GAS7: variants seen among roughly 807,000 people sequenced by gnomAD.
GAS7 encodes growth arrest-specific protein 7.
GAS7 carries 28 observed loss-of-function variants against 71.1 expected under a neutral mutation model. The observed-to-expected ratio is 0.39, with a 90% confidence interval of 0.29 to 0.54. GAS7 has a LOEUF of 0.54. Ranked by LOEUF, GAS7 falls within the 20% of genes least tolerant of loss-of-function variation. The pLI, the probability that GAS7 is intolerant of heterozygous loss-of-function variation, is 0.62. For synonymous variants in GAS7, 258 were observed against 245.8 expected, an observed-to-expected ratio of 1.05 and a Z score of -0.46; for missense variants, 436 against 627.8, an observed-to-expected ratio of 0.69 and a Z score of 3.27.
chr17:9,961,517 C>T (rs1160363326), intron 4 of GAS7, among the ~76,000 whole-genome samples: 1 of 152,228 alleles, frequency 6.6e-6, no homozygotes. Context: ...GTTCCCACTG[C>T]AGCCCCCCAG....
chr17:9,982,479 A>ATTT (rs2070447167), intron 2 of GAS7, among the ~76,000 whole-genome samples: 1 of 152,132 alleles, frequency 6.6e-6, no homozygotes, highest in East Asian at 1.9e-4. Flanking sequence ...TACAGGCTCT[A>ATTT]ATCAGAAATA....
At chr17:9,993,706 A>C (rs2070929913) in intron 2 of GAS7, among the ~76,000 whole-genome samples, 1 of 150,564 alleles carries the variant, frequency 6.6e-6, no homozygotes, top group Non-Finnish European at 1.5e-5. Context: ...AAGGAAATAA[A>C]GGGTATTCAA....
intron 1 of GAS7, among the ~76,000 whole-genome samples, chr17:10,108,847 G>A (rs1257674483): frequency 3.3e-5 from 5 of 152,160 alleles, no homozygotes; most frequent in African/African-American, 9.7e-5. Flanking sequence ...ATGGATTAAA[G>A]ACTTAAACTA....
chr17:10,064,544 T>C (rs953670583), intron 1 of GAS7, among the ~76,000 whole-genome samples: 14 of 152,226 alleles, frequency 9.2e-5, no homozygotes, highest in African/African-American at 3.4e-4. Context: ...CGAAGGGGCA[T>C]ATTACCCATC....
chr17:10,172,563 CAAAG>C (rs1567619616), intron 1 of GAS7, among the ~76,000 whole-genome samples: 1 of 152,080 alleles, frequency 6.6e-6, no homozygotes, highest in Non-Finnish European at 1.5e-5. Flanking sequence ...GGGAGACAAT[CAAAG>C]AAAAAATGAG....
intron 1 of GAS7, among the ~76,000 whole-genome samples, chr17:10,089,800 G>A (rs74855914): frequency 0.03 from 4,540 of 152,250 alleles, 84 homozygotes; most frequent in Middle Eastern, 0.044. Flanking sequence ...TTAATAAATC[G>A]AGAAACAACA....
intron 7 of GAS7, among the ~76,000 whole-genome samples, chr17:9,940,883 A>G (rs1362890903): frequency 3.9e-5 from 6 of 152,214 alleles, no homozygotes; most frequent in Non-Finnish European, 8.8e-5. Context: ...GCATGTTGTC[A>G]GAGGTATTGT....
chr17:10,165,044 G>A (rs989845102), intron 1 of GAS7, among the ~76,000 whole-genome samples: 1 of 151,508 alleles, frequency 6.6e-6, no homozygotes, highest in African/African-American at 2.4e-5. Context: ...CAGCACTTTG[G>A]GAAGCTGAGG....
intron 1 of GAS7, among the ~76,000 whole-genome samples, chr17:10,137,813 T>C (rs970955069): frequency 2.0e-5 from 3 of 152,076 alleles, no homozygotes; most frequent in African/African-American, 7.2e-5. Context: ...AGTGCTGGGA[T>C]TACAAGCGTG....
chr17:9,999,533 A>T (rs1567872967), intron 2 of GAS7, among the ~76,000 whole-genome samples: 1 of 150,872 alleles, frequency 6.6e-6, no homozygotes, highest in South Asian at 2.1e-4. Flanking sequence ...AAAAAAAATT[A>T]TGCTCAAAAT....
Position 10,026,180 on chromosome 17 carries a change from C to T in GAS7, c.184-6283G>A, listed in dbSNP as rs2152214461. ...CCTAAAGCCGTGAGCAAACGCTACT[C>T]GCTGGTGTTAATGGGTGGTCGTCAG... is the stretch of plus-strand genomic sequence containing the variant. On this transcript the variant is annotated intron_variant, in intron 1 of 13. Coordinates refer to ENST00000432992, the MANE Select transcript of GAS7 (RefSeq NM_201433.2). The surrounding 1 kb of genome is among the most constrained non-coding windows in gnomAD (Gnocchi z 4.5). 4 of 985,414 alleles carry T rather than the reference C, an allele frequency of 4.1e-6. No homozygotes were observed. Among genetic ancestry groups the T allele is most frequent in the Non-Finnish European group, 4.8e-6 (4 of 829,942 alleles). 61.0% of individuals were successfully genotyped at this position (985,414 alleles called of 1,614,324 possible).
intron 1 of GAS7, among the ~76,000 whole-genome samples, chr17:10,175,218 G>A (rs990569445): frequency 3.3e-5 from 5 of 151,680 alleles, no homozygotes; most frequent in Non-Finnish European, 7.4e-5. Flanking sequence ...ATACATGTTA[G>A]TAAGAAAAAT....
chr17:10,133,688 C>T (rs62066706), intron 1 of GAS7, among the ~76,000 whole-genome samples: 6,524 of 152,084 alleles, frequency 0.043, 216 homozygotes, highest in Non-Finnish European at 0.069. Flanking sequence ...ATTCCCCACC[C>T]GCAACCCATA....
intron 1 of GAS7, among the ~76,000 whole-genome samples, chr17:10,050,494 C>A (rs1042978534): frequency 1.3e-5 from 2 of 152,110 alleles, no homozygotes; most frequent in African/African-American, 4.8e-5. Context: ...CCTCTGCCCA[C>A]CCTAAACCTG....
chr17:10,185,117 G>C (rs2074442733), intron 1 of GAS7, among the ~76,000 whole-genome samples: 1 of 152,070 alleles, frequency 6.6e-6, no homozygotes, highest in Non-Finnish European at 1.5e-5. Context: ...GTAGAGACGG[G>C]GTTTTGTATG....
intron 1 of GAS7, among the ~76,000 whole-genome samples, chr17:10,104,571 A>T (rs1306546426): frequency 2.0e-5 from 3 of 152,150 alleles, no homozygotes; most frequent in Admixed American, 6.5e-5. Flanking sequence ...CCCTATGCTG[A>T]TGCTCAGGAG....
chr17:10,011,683 A>T (rs2152190477), intron 2 of GAS7, among the ~76,000 whole-genome samples: 1 of 152,314 alleles, frequency 6.6e-6, no homozygotes, highest in South Asian at 2.1e-4. Context: ...AAGGGTTAAG[A>T]TACCATCTCA....
intron 1 of GAS7, among the ~76,000 whole-genome samples, chr17:10,083,282 C>T (rs550125721): frequency 9.2e-5 from 14 of 152,292 alleles, no homozygotes; most frequent in South Asian, 4.1e-4. Context: ...AATCCCAGCA[C>T]TTGGGAGGCT....
At chr17:10,003,626 G>C (rs139559848) in intron 2 of GAS7, among the ~76,000 whole-genome samples, 1 of 152,216 alleles carries the variant, frequency 6.6e-6, no homozygotes, top group Admixed American at 6.5e-5. Context: ...TGGGCACGCA[G>C]ATAGGCATTA....
Sources: allele counts gnomAD v4.1 joint callset (sites outside exome capture counted in the v4.1 genomes callset), GRCh38; gene constraint gnomAD v4.1.1; non-coding constraint Gnocchi (gnomAD v3.1); transcripts MANE v1.5; gene names NCBI Gene and HGNC (gene_info 2026-07-23, HGNC 2026-07-21).